The following PPFIA1 variants were observed in gnomAD, a reference collection of about 807,000 sequenced individuals.
PPFIA1 encodes the protein liprin-alpha-1.
Under a neutral mutation model 149.9 loss-of-function variants are expected in PPFIA1, and 25 were observed. The ratio of observed to expected loss-of-function variants is 0.17; its 90% confidence interval spans 0.12 to 0.23. The LOEUF is 0.23. Ranked by LOEUF, PPFIA1 falls within the 10% of genes least tolerant of loss-of-function variation. The pLI is 1.00. For synonymous variants in PPFIA1, 549 were observed against 552.8 expected (o/e 0.99, Z 0.10); for missense variants, 1,362 against 1,506.5 (o/e 0.90, Z 1.59).
At chr11:70,303,478 G>A (rs1438166062) in intron 2 of PPFIA1, among the ~76,000 whole-genome samples, 1 of 152,216 alleles carries the variant, frequency 6.6e-6, no homozygotes, top group Non-Finnish European at 1.5e-5. Context: ...GGGAAAGCTT[G>A]TGCATACCCT....
At chr11:70,333,355 G>A in intron 9 of PPFIA1, 115 bp from the exon 10 acceptor site, 1 of 779,672 alleles carries the variant, frequency 1.3e-6, no homozygotes, top group Non-Finnish European at 2.2e-6. Context: ...TTTCCATTTA[G>A]TATGGCGGAG....
At chr11:70,347,136 C>T (rs2055752010) in intron 15 of PPFIA1, among the ~76,000 whole-genome samples, 1 of 152,124 alleles carries the variant, frequency 6.6e-6, no homozygotes, top group Admixed American at 6.5e-5. Context: ...TTGTTTTGTG[C>T]ATCTGTTCTT....
At chr11:70,361,330 C>T (rs753764963) in intron 19 of PPFIA1, among the ~76,000 whole-genome samples, 2 of 152,162 alleles carry the variant, frequency 1.3e-5, no homozygotes, top group Non-Finnish European at 2.9e-5. Context: ...ATTTCCGTAT[C>T]ACGTAGGCAT....
chr11:70,303,033 C>T (rs761016299), intron 2 of PPFIA1, among the ~76,000 whole-genome samples: 1 of 152,186 alleles, frequency 6.6e-6, no homozygotes, highest in Admixed American at 6.5e-5. Flanking sequence ...GACCATGTCA[C>T]AGGCTGAAAG....
intron 2 of PPFIA1, among the ~76,000 whole-genome samples, chr11:70,304,346 A>T (rs1364460653): frequency 6.6e-6 from 1 of 152,120 alleles, no homozygotes; most frequent in East Asian, 1.9e-4. Context: ...AAAAAAAAAA[A>T]AATTAGAGAT....
intron 21 of PPFIA1, chr11:70,365,308 C>G: frequency 2.2e-6 from 1 of 447,724 alleles, no homozygotes; most frequent in Non-Finnish European, 4.5e-6. Flanking sequence ...TATGCGTGTG[C>G]CCCTCTCCTC....
At chr11:70,280,694 A>G (rs1452606977) in intron 2 of PPFIA1, among the ~76,000 whole-genome samples, 1 of 152,184 alleles carries the variant, frequency 6.6e-6, no homozygotes, top group Non-Finnish European at 1.5e-5. Context: ...CAGCCTTCTG[A>G]GTAGCTGGGA....
intron 19 of PPFIA1, among the ~76,000 whole-genome samples, chr11:70,356,821 G>A (rs768115132): frequency 6.6e-6 from 1 of 152,152 alleles, no homozygotes; most frequent in Non-Finnish European, 1.5e-5. Flanking sequence ...TCTCTCTTCC[G>A]TAGATCGGGT....
chr11:70,327,068 C>A, intron 7 of PPFIA1: 1 of 451,926 alleles, frequency 2.2e-6, no homozygotes, highest in Non-Finnish European at 4.0e-6. Context: ...CTGACATGGC[C>A]ATGAAGTGGA....
chr11:70,274,316 G>C (rs893079431), intron 2 of PPFIA1, among the ~76,000 whole-genome samples: 1 of 151,998 alleles, frequency 6.6e-6, no homozygotes, highest in Non-Finnish European at 1.5e-5. Context: ...TTCACAAATC[G>C]TAAGTATACA....
chr11:70,284,025 A>T (rs1466240139), intron 2 of PPFIA1: 1 of 532,440 alleles, frequency 1.9e-6, no homozygotes, highest in Non-Finnish European at 3.9e-6. Context: ...TAATGGCAAA[A>T]ACCGCAATTA....
At chr11:70,363,447 T>C (rs1024715754) in intron 21 of PPFIA1, 5 of 152,338 alleles carry the variant, frequency 3.3e-5, no homozygotes, top group South Asian at 2.1e-4. Flanking sequence ...TTGAGTAAAA[T>C]TTTTCTGTCT....
chr11:70,333,527 G>C lies in PPFIA1; in HGVS notation c.1270G>C (p.Glu424Gln). 1 of 1,612,854 alleles carries C rather than the reference G, an allele frequency of 6.2e-7. No individual in the cohort carries two copies. The highest frequency in any genetic ancestry group is 8.5e-7 in the Non-Finnish European group (1 of 1,179,526). ...GTTACGACAGATGGAAGCACAGTTG[G>C]AGGAGAAGAATCAAGAACTGCAGCG... ...ERLRQMEAQL[E>Q]EKNQELQRAR... The change falls in exon 10 of 28, where the codon GAG becomes CAG. Residue 424 changes from glutamate (E) to glutamine (Q), a missense_variant. By Grantham distance (29) the Glu-to-Gln change is conservative. Coordinates refer to ENST00000253925, the MANE Select transcript of PPFIA1 (RefSeq NM_003626.5).
chr11:70,374,756 A>G, intron 23 of PPFIA1, 162 bp from the exon 24 acceptor site: 4 of 598,384 alleles, frequency 6.7e-6, no homozygotes, highest in East Asian at 3.1e-5. Context: ...CCATTGTCTC[A>G]GTGCAGCAAA....
At chr11:70,302,158 G>A (rs1591124754) in intron 2 of PPFIA1, among the ~76,000 whole-genome samples, 1 of 152,210 alleles carries the variant, frequency 6.6e-6, no homozygotes, top group Non-Finnish European at 1.5e-5. Context: ...CAGAGGAGGG[G>A]GAATGGTTGA....
intron 2 of PPFIA1, among the ~76,000 whole-genome samples, chr11:70,307,645 C>T (rs914323520): frequency 6.6e-6 from 1 of 152,092 alleles, no homozygotes; most frequent in African/African-American, 2.4e-5. Context: ...GTCTGTTAGG[C>T]TGGGTGTGAT....
chr11:70,346,058 C>A, intron 15 of PPFIA1: 1 of 406,436 alleles, frequency 2.5e-6, no homozygotes, highest in South Asian at 1.8e-5. Flanking sequence ...TTTTCTTTAG[C>A]AACTTTAGCA....
chr11:70,372,345 A>G lies in PPFIA1; in HGVS notation c.2996A>G (p.Lys999Arg), dbSNP rs759615003. ...VDARMLDHLT[K>R]KDLRGQLKMV... ...GCCAGGATGCTGGACCACTTGACCAAGAAAGACCTTCGAGGGCAGCTGAAA... is the reference window on the plus strand; with the variant it reads ...GCCAGGATGCTGGACCACTTGACCAGGAAAGACCTTCGAGGGCAGCTGAAA... Residue 999 changes from lysine (K) to arginine (R), a missense_variant, in exon 22 of 28, where the codon AAG (lysine) becomes AGG (arginine). Coordinates refer to ENST00000253925, the MANE Select transcript of PPFIA1 (RefSeq NM_003626.5). 5.0e-6 allele frequency: 8 copies of G among 1,614,258 alleles called. 1 individual carries two copies. Among genetic ancestry groups the G allele is most frequent in the South Asian group, 1.1e-5 (1 of 91,086 alleles).
At chr11:70,348,925 A>AG (rs1487623698) in intron 16 of PPFIA1, among the ~76,000 whole-genome samples, 1 of 152,186 alleles carries the variant, frequency 6.6e-6, no homozygotes, top group African/African-American at 2.4e-5. Context: ...TGACCAGGCT[A>AG]GCATTACACC....
Sources: allele counts gnomAD v4.1 joint callset (sites outside exome capture counted in the v4.1 genomes callset), GRCh38; gene constraint gnomAD v4.1.1; transcripts MANE v1.5; gene names NCBI Gene and HGNC (gene_info 2026-07-23, HGNC 2026-07-21).